The following RGS6 variants were observed in gnomAD, a reference collection of about 807,000 sequenced individuals.
The protein encoded by RGS6 is regulator of G protein signaling 6.
Under a neutral mutation model 78.5 loss-of-function variants are expected in RGS6, and 30 were observed. The ratio of observed to expected loss-of-function variants is 0.38; its 90% CI spans 0.29 to 0.52. The LOEUF is 0.52. RGS6 is among the 20% of genes least tolerant of loss of function. The pLI, the probability that RGS6 is intolerant of heterozygous loss-of-function variation, is 0.85. For synonymous variants in RGS6, 206 were observed against 206.0 expected (o/e 1.00, Z 0.00); for missense variants, 495 against 609.7 (o/e 0.81, Z 1.98).
At chr14:72,415,491 T>C (rs1175608122) in intron 3 of RGS6, among the ~76,000 whole-genome samples, 1 of 152,288 alleles carries the variant, frequency 6.6e-6, no homozygotes, top group Non-Finnish European at 1.5e-5. Flanking sequence ...GCTTCCTGGA[T>C]GAGGCGATGC....
rs552403293 is a variant in RGS6 at position 72,370,795 on chromosome 14, C to T, written c.184+18601C>T. ...GTTCCCACAGTATTTCTTCTTAGCA[C>T]TTTTCTGTTTGTATAATATTTCACA... On this transcript the variant is annotated intron_variant, in intron 3 of 17. Coordinates refer to ENST00000553525, the MANE Select transcript of RGS6 (RefSeq NM_001204424.2). 1.8e-4 allele frequency among the ~76,000 whole-genome samples: 28 copies of T among 152,278 alleles called. No individual in the cohort carries two copies. The South Asian group carries it at 3.9e-3, about 21-fold the overall frequency.
chr14:72,240,884 C>A (rs1354422909), intron 2 of RGS6, among the ~76,000 whole-genome samples: 1 of 152,092 alleles, frequency 6.6e-6, no homozygotes, highest in African/African-American at 2.4e-5. Context: ...TTTGGCCAGG[C>A]GCGGTGGCTC....
intron 2 of RGS6, among the ~76,000 whole-genome samples, chr14:72,102,769 C>T (rs932513036): frequency 6.6e-6 from 1 of 152,140 alleles, no homozygotes; most frequent in African/African-American, 2.4e-5. Context: ...TTTAAGAAAC[C>T]TGTTCATTAT....
intron 2 of RGS6, among the ~76,000 whole-genome samples, chr14:72,308,332 A>T (rs1730769037): frequency 6.6e-6 from 1 of 152,108 alleles, no homozygotes; most frequent in South Asian, 2.1e-4. Flanking sequence ...GTCCTTCAGG[A>T]CTCAACTCAA....
intron 2 of RGS6, among the ~76,000 whole-genome samples, chr14:72,341,586 A>T (rs2077005889): frequency 6.6e-6 from 1 of 152,204 alleles, no homozygotes. Context: ...AAGCAGACTC[A>T]GGAGAGTTTT....
At chr14:72,171,588 T>C (rs554868807) in intron 2 of RGS6, among the ~76,000 whole-genome samples, 1 of 152,324 alleles carries the variant, frequency 6.6e-6, no homozygotes, top group Admixed American at 6.5e-5. Flanking sequence ...AGATTTGTTT[T>C]AAGGGTTGGG....
intron 2 of RGS6, among the ~76,000 whole-genome samples, chr14:72,087,388 C>T (rs1177711085): frequency 2.0e-5 from 3 of 152,128 alleles, no homozygotes; most frequent in Non-Finnish European, 4.4e-5. Flanking sequence ...GCCTTGGCCT[C>T]CCAAAGTGCT....
the RGS6 span, among the ~76,000 whole-genome samples, chr14:71,886,957 C>T: frequency 1.3e-5 from 2 of 152,240 alleles, no homozygotes; most frequent in East Asian, 3.9e-4. Flanking sequence ...CAAGATCAGC[C>T]TGGCCAACAT....
At chr14:72,219,377 T>A (rs193150943) in intron 2 of RGS6, among the ~76,000 whole-genome samples, 1 of 152,268 alleles carries the variant, frequency 6.6e-6, no homozygotes, top group East Asian at 1.9e-4. Flanking sequence ...CAGCAAAGTG[T>A]TTGTCATGTT....
chr14:72,423,833 AC>A lies in RGS6; in HGVS notation c.185-30694del, dbSNP rs761800046. 4.5e-4 allele frequency among the ~76,000 whole-genome samples: 69 copies of A among 152,300 alleles called. 1 individual carries two copies. The South Asian group carries it at 4.8e-3, about 11-fold the overall frequency. On this transcript the variant is annotated intron_variant, in intron 3 of 17. Transcript: ENST00000553525. ...CCCCGAGCCTAAAATAAAAGTCAAA[AC>A]AAAATATTCATTCCCAAATCATTTA...
At chr14:72,288,478 G>A (rs2062992254) in intron 2 of RGS6, among the ~76,000 whole-genome samples, 1 of 152,236 alleles carries the variant, frequency 6.6e-6, no homozygotes, top group East Asian at 1.9e-4. Context: ...GAAGAAGGCT[G>A]CATTGGTTTG....
At chr14:72,425,800 G>C (rs1164191898) in intron 3 of RGS6, among the ~76,000 whole-genome samples, 1 of 152,054 alleles carries the variant, frequency 6.6e-6, no homozygotes, top group African/African-American at 2.4e-5. Context: ...TTTATCTTAA[G>C]GAAATTATAG....
rs1333549816 is a variant in RGS6 at position 72,518,312 on chromosome 14, A to G, written c.1092-39A>G. 1.9e-6 allele frequency: 3 copies of G among 1,588,286 alleles called. No homozygotes were observed. The South Asian group carries it at 3.4e-5, about 18-fold the overall frequency. Reference sequence around the variant, plus strand: ...CATCTCAGGCAACATCCCGATGCTGAGCCCCCTGGAACTGACTGTGTTTCT... The same window carrying G: ...CATCTCAGGCAACATCCCGATGCTGGGCCCCCTGGAACTGACTGTGTTTCT... On this transcript the variant is annotated intron_variant, in intron 14 of 17. Coordinates refer to ENST00000553525, the MANE Select transcript of RGS6 (RefSeq NM_001204424.2).
intron 2 of RGS6, among the ~76,000 whole-genome samples, chr14:72,093,033 AGTGT>A (rs10567555): frequency 0.62 from 91,943 of 149,452 alleles, 28,313 homozygotes; most frequent in East Asian, 0.71. Context: ...ACATACCAAA[AGTGT>A]GTGTGTGTGT....
intron 2 of RGS6, among the ~76,000 whole-genome samples, chr14:72,113,113 C>T (rs530199651): frequency 1.3e-5 from 2 of 149,962 alleles, no homozygotes; most frequent in East Asian, 3.9e-4. Context: ...TGCACACACA[C>T]ACCCCACTTC....
intron 1 of RGS6, among the ~76,000 whole-genome samples, chr14:71,935,410 C>G (rs920917135): frequency 6.6e-6 from 1 of 152,162 alleles, no homozygotes; most frequent in Non-Finnish European, 1.5e-5. Context: ...CCCCCTCCCC[C>G]ACACATTTTT....
chr14:72,163,623 G>A (rs1279459763), intron 2 of RGS6, among the ~76,000 whole-genome samples: 1 of 152,200 alleles, frequency 6.6e-6, no homozygotes, highest in South Asian at 2.1e-4. Context: ...AGTGGCTCAC[G>A]CCTGTAATCC....
chr14:72,258,111 T>C (rs1334451982), intron 2 of RGS6, among the ~76,000 whole-genome samples: 1 of 152,140 alleles, frequency 6.6e-6, no homozygotes, highest in Non-Finnish European at 1.5e-5. Flanking sequence ...TCTGGGGATT[T>C]GGTTACAGAA....
chr14:72,286,990 G>C (rs1186739385), intron 2 of RGS6, among the ~76,000 whole-genome samples: 1 of 152,246 alleles, frequency 6.6e-6, no homozygotes, highest in Non-Finnish European at 1.5e-5. Context: ...CACCATGTTG[G>C]CCAGGCTGGT....
Sources: allele counts gnomAD v4.1 joint callset (sites outside exome capture counted in the v4.1 genomes callset), GRCh38; gene constraint gnomAD v4.1.1; transcripts MANE v1.5; gene names NCBI Gene and HGNC (gene_info 2026-07-23, HGNC 2026-07-21).